The following SHE variants were observed in gnomAD, a reference collection of about 807,000 sequenced individuals.
SHE encodes the protein SH2 domain-containing adapter protein E.
A neutral mutation model predicts 49.8 loss-of-function variants in SHE; 11 were observed. The ratio of observed to expected loss-of-function variants is 0.22; its 90% CI spans 0.14 to 0.37. SHE has a LOEUF of 0.37. Ranked by LOEUF, SHE falls within the 10% of genes least tolerant of loss-of-function variation. The probability of loss-of-function intolerance (pLI) is 1.00; values close to 1 mark genes in which losing one functional copy is unlikely to be tolerated. For synonymous variants in SHE, 310 were observed against 278.1 expected (o/e 1.11, Z -1.14); for missense variants, 624 against 655.5 (o/e 0.95, Z 0.52).
rs1432110079 is a variant in SHE, at chr1:154,481,629, T to A, written c.*2520A>T. On this transcript the variant is annotated 3_prime_UTR_variant, in exon 6 of 6. Transcript: ENST00000304760. Reference sequence around the variant, plus strand: ...TTTATTAAAATTAGAATAACTGCTGTATTCCCTTTGTAGAATAAGGTTAAG... The same window carrying A: ...TTTATTAAAATTAGAATAACTGCTGAATTCCCTTTGTAGAATAAGGTTAAG... 1.0e-6 allele frequency: 1 copy of A among 984,224 alleles called. No individual in the cohort carries two copies. The highest frequency in any genetic ancestry group is 1.1e-4 in the East Asian group (1 of 8,826). The allele number at this position is 984,224 out of a possible 1,614,324, so 61.0% of individuals were successfully genotyped here. A position where few individuals can be genotyped will look rare whatever the true frequency, so the allele number is the denominator to read the frequency against.
chr1:154,474,757 G>A (rs1295335153), downstream of SHE, among the ~76,000 whole-genome samples: 5 of 152,054 alleles, frequency 3.3e-5, no homozygotes, highest in African/African-American at 2.4e-5. Flanking sequence ...TGCCCACCTC[G>A]GCCTCCCAAA....
In SHE at chr1:154,479,904, T is replaced by C; in HGVS notation, c.*4245A>G. ...GGGCATTTTTCAAGATGGCAACTGCTGTGTCATCATTTTCCCTTTTCTGGA... is the reference window on the plus strand; with the variant it reads ...GGGCATTTTTCAAGATGGCAACTGCCGTGTCATCATTTTCCCTTTTCTGGA... On this transcript the variant is annotated 3_prime_UTR_variant, in exon 6 of 6. Coordinates refer to ENST00000304760, the MANE Select transcript of SHE (RefSeq NM_001010846.3). 1.0e-6 allele frequency: 1 copy of C among 985,462 alleles called. No homozygotes were observed. Among genetic ancestry groups the C allele is most frequent in the Non-Finnish European group, 1.2e-6 (1 of 829,938 alleles). 61.0% of individuals were successfully genotyped at this position (985,462 alleles called of 1,614,324 possible).
Position 154,484,308 on chromosome 1 carries a change from T to A in SHE, c.1329A>T (p.Ile443=). The part of the protein sequence containing the change: ...LKTSQGCVHI[I]VAQTKDNKYT... ...ATTTGTTGTCTTTGGTCTGAGCCAC[T>A]ATGATGTGGACACATCCTTGACTAG... The change falls in exon 6 of 6, where the codon ATA becomes ATT. Residue 443 remains isoleucine, a synonymous_variant. Coordinates refer to ENST00000304760, the MANE Select transcript of SHE (RefSeq NM_001010846.3). The A allele has an allele frequency of 6.2e-7, 1 of 1,614,206 alleles. No homozygotes were observed. The highest frequency in any genetic ancestry group is 8.5e-7 in the Non-Finnish European group (1 of 1,180,010).
At position 154,481,858 on chromosome 1, in the gene SHE, C is replaced by T; in HGVS notation, c.*2291G>A. ...AACATTCCTTTTGGTTTTTTGTTTG[C>T]TTGCTTGTTGAGACAGGGTCTCACT... On this transcript the variant is annotated 3_prime_UTR_variant, in exon 6 of 6. Coordinates refer to ENST00000304760, the MANE Select transcript of SHE (RefSeq NM_001010846.3). The T allele has an allele frequency of 1.1e-6, 1 of 943,940 alleles. No homozygotes were observed. 58.5% of individuals were successfully genotyped at this position (943,940 alleles called of 1,614,324 possible).
At chr1:154,490,365 T>G (rs1019510615) in intron 2 of SHE, among the ~76,000 whole-genome samples, 5 of 152,240 alleles carry the variant, frequency 3.3e-5, no homozygotes, top group Non-Finnish European at 7.3e-5. Context: ...ATATCATTAT[T>G]TCCCCATTAT....
chr1:154,495,766 G>C (rs1378115090), intron 2 of SHE, among the ~76,000 whole-genome samples: 3 of 151,806 alleles, frequency 2.0e-5, no homozygotes, highest in Admixed American at 2.0e-4. Context: ...TATTTGTTGG[G>C]TATTCTAAAA....
intron 1 of SHE, among the ~76,000 whole-genome samples, chr1:154,471,705 C>CTCTG (rs1553189493): frequency 2.0e-5 from 3 of 150,048 alleles, no homozygotes; most frequent in Non-Finnish European, 4.4e-5. Context: ...CTCTCTCTCT[C>CTCTG]TGTGTGTGTG....
At chr1:154,471,680 ACTCTCTCTCT>A (rs139560920) in intron 1 of SHE, among the ~76,000 whole-genome samples, 2 of 149,238 alleles carry the variant, frequency 1.3e-5, no homozygotes, top group African/African-American at 2.5e-5. Flanking sequence ...GTTTTTCAGT[ACTCTCTCTCT>A]CTCTCTCTCT....
intron 4 of SHE, 78 bp downstream of exon 4, chr1:154,486,449 T>A: frequency 2.6e-6 from 4 of 1,533,734 alleles, no homozygotes; most frequent in Non-Finnish European, 3.5e-6. Flanking sequence ...TCATGTGAAA[T>A]GGGCCAATGT....
At position 154,489,346 on chromosome 1, in the gene SHE, T is replaced by C; in HGVS notation, c.729A>G (p.Arg243=). The change falls in exon 3 of 6, where the codon CGA becomes CGG. Residue 243 remains arginine, a synonymous_variant. Transcript: ENST00000304760. Reference sequence around the variant, plus strand: ...TCACCAGGGGATCTTTGGAACCCCGTCGTCTAATTTCTGAAAAACACACAC... The same window carrying C: ...TCACCAGGGGATCTTTGGAACCCCGCCGTCTAATTTCTGAAAAACACACAC... ...DAQQMITEIR[R]RGSKDPLVKA... 1 of 1,612,584 alleles carries C rather than the reference T, an allele frequency of 6.2e-7. No homozygotes were observed. Among genetic ancestry groups the C allele is most frequent in the South Asian group, 1.1e-5 (1 of 91,040 alleles).
intron 1 of SHE, among the ~76,000 whole-genome samples, chr1:154,473,866 A>T (rs1691813014): frequency 6.6e-6 from 1 of 152,102 alleles, no homozygotes; most frequent in Non-Finnish European, 1.5e-5. Flanking sequence ...CATGTGCTTT[A>T]TAAACAGGAT....
intron 2 of SHE, among the ~76,000 whole-genome samples, chr1:154,496,424 C>T (rs1046984974): frequency 4.6e-5 from 7 of 152,212 alleles, no homozygotes; most frequent in South Asian, 2.1e-4. Context: ...TAAATGCTAG[C>T]GATTATTATT....
intron 2 of SHE, among the ~76,000 whole-genome samples, chr1:154,492,452 G>A (rs1446407121): frequency 6.6e-6 from 1 of 152,172 alleles, no homozygotes; most frequent in South Asian, 2.1e-4. Flanking sequence ...GGTACTGCCT[G>A]TGTCTACCAC....
chr1:154,484,510 C>T, intron 5 of SHE, 175 bp from the exon 6 acceptor site: 1 of 571,092 alleles, frequency 1.8e-6, no homozygotes, highest in Non-Finnish European at 3.1e-6. Flanking sequence ...ATTTCACAGT[C>T]TAAACGCATG....
At chr1:154,489,613 G>A (rs1311368949) in intron 2 of SHE, among the ~76,000 whole-genome samples, 1 of 152,220 alleles carries the variant, frequency 6.6e-6, no homozygotes, top group East Asian at 1.9e-4. Flanking sequence ...TTTAAGGTGG[G>A]AGATTACATC....
At chr1:154,487,691 A>T (rs1571049884) in intron 3 of SHE, among the ~76,000 whole-genome samples, 1 of 151,574 alleles carries the variant, frequency 6.6e-6, no homozygotes, top group Non-Finnish European at 1.5e-5. Context: ...ATCTCTAAAA[A>T]ATTAAAGAAT....
At chr1:154,499,065 CTGAG>C (rs772696441) in intron 2 of SHE, 43 bp downstream of exon 2, 877 of 1,604,224 alleles carry the variant, frequency 5.5e-4, no homozygotes, top group Non-Finnish European at 5.7e-4. Flanking sequence ...ACAACACTCA[CTGAG>C]TGTGAGATTT....
chr1:154,477,448 C>A (rs114220736), downstream of SHE, among the ~76,000 whole-genome samples: 1,246 of 152,210 alleles, frequency 8.2e-3, 20 homozygotes, highest in African/African-American at 0.029. Context: ...TCAAGTGATC[C>A]GCCTACTTTG....
intron 2 of SHE, among the ~76,000 whole-genome samples, chr1:154,493,568 T>C (rs1692434786): frequency 6.6e-6 from 1 of 152,214 alleles, no homozygotes; most frequent in Non-Finnish European, 1.5e-5. Context: ...AGCTCAGCAC[T>C]GACCTGCACC....
Sources: gnomAD v4.1 joint callset for allele counts (sites outside exome capture counted in the v4.1 genomes callset) on GRCh38, gnomAD v4.1.1 for gene constraint, MANE v1.5 for transcripts, NCBI Gene and HGNC (gene_info 2026-07-23, HGNC 2026-07-21) for gene names.